RHBDL2: variants seen among roughly 807,000 people sequenced by gnomAD.
The protein encoded by RHBDL2 is rhomboid-related protein 2.
RHBDL2 carries 26 observed loss-of-function variants against 31.7 expected under a neutral mutation model. The ratio of observed to expected loss-of-function variants is 0.82; its 90% CI spans 0.60 to 1.14. The LOEUF (loss-of-function observed/expected upper bound fraction) is 1.14. Among genes scored for constraint, RHBDL2 ranks in the 50% most tolerant of loss-of-function variants. The probability of loss-of-function intolerance (pLI) is 0.00; values close to 1 mark genes in which losing one functional copy is unlikely to be tolerated. For missense variants in RHBDL2, 336 were observed against 364.4 expected, an observed-to-expected ratio of 0.92 and a Z score of 0.63; for synonymous variants, 123 against 127.2, an observed-to-expected ratio of 0.97 and a Z score of 0.22.
intron 4 of RHBDL2, among the ~76,000 whole-genome samples, chr1:38,909,099 G>A (rs1340316257): frequency 6.6e-6 from 1 of 152,096 alleles, no homozygotes; most frequent in East Asian, 1.9e-4. Context: ...TTCTGTCGAT[G>A]TGTTCCTCTC....
At chr1:38,934,971 A>T (rs201480401) in intron 1 of RHBDL2, among the ~76,000 whole-genome samples, 6 of 139,240 alleles carry the variant, frequency 4.3e-5, no homozygotes, top group South Asian at 2.4e-4. Flanking sequence ...AAAAAAAAAA[A>T]TTTTTTTAAA....
intron 1 of RHBDL2, among the ~76,000 whole-genome samples, chr1:38,941,088 G>T (rs142279564): frequency 6.6e-6 from 1 of 152,200 alleles, no homozygotes; most frequent in Non-Finnish European, 1.5e-5. Context: ...CAGAAATTGC[G>T]CAGCCCTCCC....
intron 5 of RHBDL2, among the ~76,000 whole-genome samples, chr1:38,893,774 T>G (rs1367538680): frequency 6.6e-6 from 1 of 152,100 alleles, no homozygotes; most frequent in Non-Finnish European, 1.5e-5. Flanking sequence ...GATCTCACTC[T>G]GTCACCCAAG....
chr1:38,903,757 A>T (rs1406799693), intron 4 of RHBDL2, among the ~76,000 whole-genome samples: 1 of 152,154 alleles, frequency 6.6e-6, no homozygotes, highest in Non-Finnish European at 1.5e-5. Context: ...ATAGCCAAAA[A>T]ATTTGTGAAA....
At chr1:38,914,497 C>T (rs113166278) in intron 3 of RHBDL2, among the ~76,000 whole-genome samples, 1 of 151,848 alleles carries the variant, frequency 6.6e-6, no homozygotes. Context: ...CCACCTCAGC[C>T]TCCCAAAGTG....
intron 3 of RHBDL2, among the ~76,000 whole-genome samples, chr1:38,913,217 AG>A (rs1226950386): frequency 6.6e-6 from 1 of 151,930 alleles, no homozygotes; most frequent in East Asian, 1.9e-4. Flanking sequence ...TCCTGACCTC[AG>A]GTGACCACCT....
intron 1 of RHBDL2, among the ~76,000 whole-genome samples, chr1:38,921,320 A>C (rs1442522954): frequency 6.6e-6 from 1 of 152,172 alleles, no homozygotes; most frequent in Non-Finnish European, 1.5e-5. Context: ...GGCAGAGGTT[A>C]CAGTGAGCCA....
intron 1 of RHBDL2, among the ~76,000 whole-genome samples, chr1:38,923,898 A>G (rs1465675574): frequency 6.6e-6 from 1 of 152,184 alleles, no homozygotes; most frequent in Non-Finnish European, 1.5e-5. Flanking sequence ...CACTGCTGCG[A>G]GAAGTTCTCA....
intron 6 of RHBDL2, among the ~76,000 whole-genome samples, chr1:38,891,811 G>A (rs940775598): frequency 6.6e-6 from 1 of 152,150 alleles, no homozygotes; most frequent in Non-Finnish European, 1.5e-5. Context: ...GCAAAATCCT[G>A]TTTTCTTACT....
intron 7 of RHBDL2, among the ~76,000 whole-genome samples, chr1:38,886,967 A>G (rs1642792122): frequency 6.6e-6 from 1 of 152,240 alleles, no homozygotes; most frequent in African/African-American, 2.4e-5. Context: ...CATTTAAAAT[A>G]ATTCTATATA....
At chr1:38,917,304 A>G (rs747061167) in intron 2 of RHBDL2, among the ~76,000 whole-genome samples, 23 of 152,106 alleles carry the variant, frequency 1.5e-4, no homozygotes, top group Non-Finnish European at 3.1e-4. Context: ...GGCGTGCACC[A>G]CTGCGCCCGG....
intron 1 of RHBDL2, among the ~76,000 whole-genome samples, chr1:38,930,280 A>AT (rs904479101): frequency 1.3e-5 from 2 of 151,820 alleles, no homozygotes; most frequent in Admixed American, 6.6e-5. Flanking sequence ...CGCTTTTATT[A>AT]TTTTCTGGAT....
At chr1:38,933,931 T>C (rs1164089863) in intron 1 of RHBDL2, among the ~76,000 whole-genome samples, 7 of 152,050 alleles carry the variant, frequency 4.6e-5, no homozygotes, top group African/African-American at 1.7e-4. Flanking sequence ...CTTTCACTTG[T>C]AGGCTGGGCT....
At chr1:38,918,483 T>G (rs1024939546) in intron 2 of RHBDL2, among the ~76,000 whole-genome samples, 1 of 152,118 alleles carries the variant, frequency 6.6e-6, no homozygotes, top group Admixed American at 6.6e-5. Flanking sequence ...GAGGACTGAC[T>G]AGATCAGAGC....
At chr1:38,915,344 C>T (rs1438005994) in intron 3 of RHBDL2, among the ~76,000 whole-genome samples, 1 of 151,818 alleles carries the variant, frequency 6.6e-6, no homozygotes, top group Non-Finnish European at 1.5e-5. Context: ...AGGCTGGTCT[C>T]GAATTCCTGA....
intron 1 of RHBDL2, among the ~76,000 whole-genome samples, chr1:38,938,867 G>A (rs1643535942): frequency 6.6e-6 from 1 of 152,146 alleles, no homozygotes. Context: ...AGCATTCTGA[G>A]GACAGGGCTT....
chr1:38,940,246 T>C (rs1029126495), intron 1 of RHBDL2, among the ~76,000 whole-genome samples: 11 of 152,228 alleles, frequency 7.2e-5, no homozygotes, highest in African/African-American at 2.4e-4. Flanking sequence ...TTCCCATCAC[T>C]TGCTCAGTGT....
At chr1:38,903,629 A>AT (rs1338761374) in intron 4 of RHBDL2, among the ~76,000 whole-genome samples, 1 of 152,196 alleles carries the variant, frequency 6.6e-6, no homozygotes, top group Non-Finnish European at 1.5e-5. Flanking sequence ...AAGACTCAAT[A>AT]TTGTTAAAAT....
At chr1:38,919,593 T>C (rs889208596) in intron 1 of RHBDL2, among the ~76,000 whole-genome samples, 3 of 151,520 alleles carry the variant, frequency 2.0e-5, no homozygotes, top group East Asian at 3.8e-4. Context: ...CCATTTAATA[T>C]ATAATATATA....
Sources: gnomAD v4.1 joint callset for allele counts (sites outside exome capture counted in the v4.1 genomes callset) on GRCh38, gnomAD v4.1.1 for gene constraint, MANE v1.5 for transcripts, NCBI Gene and HGNC (gene_info 2026-07-23, HGNC 2026-07-21) for gene names.